TEC: variants seen among roughly 807,000 people sequenced by gnomAD.
The protein encoded by TEC is tyrosine-protein kinase Tec.
A neutral mutation model predicts 93.0 loss-of-function variants in TEC; 72 were observed. The observed-to-expected ratio is 0.77, with a 90% CI of 0.64 to 0.94. The LOEUF is 0.94. Ranked by LOEUF, TEC falls within the 40% of genes least tolerant of loss-of-function variation. The pLI, the probability that TEC is intolerant of heterozygous loss-of-function variation, is 0.00. For missense variants in TEC, 630 were observed against 757.9 expected, an observed-to-expected ratio of 0.83 and a Z score of 1.98; for synonymous variants, 249 against 247.7, an observed-to-expected ratio of 1.01 and a Z score of -0.05.
At chr4:48,233,064 GTCTCTA>G (rs1723690960) in intron 1 of TEC, among the ~76,000 whole-genome samples, 1 of 152,164 alleles carries the variant, frequency 6.6e-6, no homozygotes, top group South Asian at 2.1e-4. Flanking sequence ...AAAACACAGG[GTCTCTA>G]TCCTGGGAGA....
Position 48,138,979 on chromosome 4 carries a change from A to G in TEC, c.1579T>C (p.Phe527Leu), listed in dbSNP as rs1300343530. 1 of 1,614,244 alleles carries G rather than the reference A, an allele frequency of 6.2e-7. No individual in the cohort carries two copies. The highest frequency in any genetic ancestry group is 1.3e-5 in the African/African-American group (1 of 75,072). The part of the protein sequence containing the change: ...DQYTSSSGAK[F>L]PVKWCPPEVF... ...TCAGGTGGACACCACTTCACAGGAA[A>G]CTTAGCACCAGAAGAACTTGTGTAC... is the stretch of plus-strand genomic sequence containing the variant. The change falls in exon 16 of 18, where the codon TTT (phenylalanine) becomes CTT (leucine). Residue 527 changes from phenylalanine (F) to leucine (L), a missense_variant. By Grantham distance (22) the Phe-to-Leu change is conservative. Transcript: ENST00000381501.
intron 2 of TEC, among the ~76,000 whole-genome samples, chr4:48,220,037 A>G (rs1723206639): frequency 6.6e-6 from 1 of 151,996 alleles, no homozygotes; most frequent in African/African-American, 2.4e-5. Flanking sequence ...GCAGTGTGAC[A>G]ACCTTTCTGA....
In TEC at chr4:48,228,490, T is replaced by C. The variant is rs1723548915; in HGVS notation, c.125A>G (p.Glu42Gly). 6.2e-7 allele frequency: 1 copy of C among 1,607,416 alleles called. No individual in the cohort carries two copies. The highest frequency in any genetic ancestry group is 1.3e-5 in the African/African-American group (1 of 74,534). The change falls in exon 2 of 18, where the codon GAG becomes GGG. Residue 42 changes from glutamate to glycine, a missense_variant. By Grantham distance (98) the Glu-to-Gly change is moderately conservative. Transcript: ENST00000381501. ...VLTKSMLTYY[E>G]GRAEKKYRKG... ...ATTGTCTCTTACCTCTGCTCGACCCTCATAGTAGGTTAGCATGGACTTTGT... is the reference window on the plus strand; with the variant it reads ...ATTGTCTCTTACCTCTGCTCGACCCCCATAGTAGGTTAGCATGGACTTTGT...
intron 8 of TEC, among the ~76,000 whole-genome samples, chr4:48,160,108 G>A (rs1163526432): frequency 6.6e-6 from 1 of 152,180 alleles, no homozygotes; most frequent in Non-Finnish European, 1.5e-5. Context: ...AGGAGGTTAA[G>A]TAGTATTATC....
chr4:48,203,977 G>A (rs1722619166), intron 2 of TEC, among the ~76,000 whole-genome samples: 1 of 152,178 alleles, frequency 6.6e-6, no homozygotes, highest in Non-Finnish European at 1.5e-5. Flanking sequence ...TGCAGGCACT[G>A]GGGGAAGGAG....
intron 2 of TEC, among the ~76,000 whole-genome samples, chr4:48,199,455 C>CTTTCTTTT (rs1722415695): frequency 1.5e-5 from 1 of 67,360 alleles, no homozygotes; most frequent in African/African-American, 6.2e-5. Context: ...GATTTTCTTT[C>CTTTCTTTT]TTTTTTTTTT....
At chr4:48,167,974 T>C in intron 6 of TEC, 21 bp from the exon 7 acceptor site, 2 of 1,611,946 alleles carry the variant, frequency 1.2e-6, no homozygotes, top group Non-Finnish European at 1.7e-6. Context: ...AAGATAACAT[T>C]TGAAAGTTTA....
At chr4:48,206,048 G>A (rs1722703561) in intron 2 of TEC, among the ~76,000 whole-genome samples, 1 of 152,160 alleles carries the variant, frequency 6.6e-6, no homozygotes, top group Admixed American at 6.5e-5. Flanking sequence ...CCTTGAAAAC[G>A]TTATGCTTAG....
At chr4:48,188,703 T>G (rs769977100) in intron 2 of TEC, among the ~76,000 whole-genome samples, 70 of 152,314 alleles carry the variant, frequency 4.6e-4, no homozygotes, top group Admixed American at 6.5e-4. Flanking sequence ...TCATTTATAT[T>G]TGGGAGTGTG....
At chr4:48,230,567 A>G (rs568790992) in intron 1 of TEC, among the ~76,000 whole-genome samples, 9 of 152,280 alleles carry the variant, frequency 5.9e-5, no homozygotes, top group Non-Finnish European at 2.9e-5. Context: ...CTTTTATTCA[A>G]ACTGCCTATC....
chr4:48,150,401 G>A (rs1310259039), intron 10 of TEC, among the ~76,000 whole-genome samples: 1 of 152,048 alleles, frequency 6.6e-6, no homozygotes, highest in African/African-American at 2.4e-5. Context: ...ATATCACTTG[G>A]GAGAGCGTTC....
intron 1 of TEC, among the ~76,000 whole-genome samples, chr4:48,247,675 AAAT>A (rs1224514727): frequency 5.9e-5 from 9 of 152,224 alleles, no homozygotes; most frequent in Admixed American, 5.9e-4. Context: ...CTTTTACATT[AAAT>A]GTCTAGAGTA....
intron 2 of TEC, among the ~76,000 whole-genome samples, chr4:48,221,389 G>T (rs537781445): frequency 1.3e-5 from 2 of 152,138 alleles, no homozygotes; most frequent in East Asian, 1.9e-4. Flanking sequence ...GGCTTTTCCC[G>T]CTTTGCTCAG....
intron 14 of TEC, among the ~76,000 whole-genome samples, chr4:48,142,923 C>T (rs1002239658): frequency 3.3e-5 from 5 of 152,010 alleles, no homozygotes; most frequent in Admixed American, 3.3e-4. Context: ...ACTTCGTGAT[C>T]CGCCCGCCTC....
intron 2 of TEC, among the ~76,000 whole-genome samples, chr4:48,189,385 A>C (rs1722012284): frequency 6.6e-6 from 1 of 152,246 alleles, no homozygotes; most frequent in Non-Finnish European, 1.5e-5. Flanking sequence ...GTAAAACCCC[A>C]TAAAGGTTAC....
At chr4:48,178,474 T>C (rs1014693306) in intron 2 of TEC, among the ~76,000 whole-genome samples, 5 of 152,240 alleles carry the variant, frequency 3.3e-5, no homozygotes, top group African/African-American at 1.2e-4. Context: ...ACAATATCCC[T>C]GTGAGGTACA....
intron 1 of TEC, among the ~76,000 whole-genome samples, chr4:48,229,447 T>A (rs1475608938): frequency 1.3e-5 from 2 of 152,220 alleles, no homozygotes; most frequent in Non-Finnish European, 2.9e-5. Context: ...TTGAGACAAG[T>A]TGAATTAACA....
At chr4:48,171,246 A>G in intron 4 of TEC, 122 bp downstream of exon 4, 1 of 749,974 alleles carries the variant, frequency 1.3e-6, no homozygotes, top group African/African-American at 1.8e-5. Context: ...CCTTGGAGAA[A>G]CACTTACTGT....
intron 2 of TEC, among the ~76,000 whole-genome samples, chr4:48,183,237 A>C (rs1235455485): frequency 6.6e-6 from 1 of 152,222 alleles, no homozygotes; most frequent in Admixed American, 6.5e-5. Flanking sequence ...TAGAAATAGG[A>C]CAATGCTGCT....
Sources: allele counts gnomAD v4.1 joint callset (sites outside exome capture counted in the v4.1 genomes callset), GRCh38; gene constraint gnomAD v4.1.1; transcripts MANE v1.5; gene names NCBI Gene and HGNC (gene_info 2026-07-23, HGNC 2026-07-21).